Variants in MYB observed in about 807,000 individuals in gnomAD.
The protein encoded by MYB is MYB proto-oncogene, transcription factor, also known as transcriptional activator Myb.
A neutral mutation model predicts 92.9 loss-of-function variants in MYB; 28 were observed. The ratio of observed to expected loss-of-function variants is 0.30; its 90% CI spans 0.22 to 0.41. The LOEUF (loss-of-function observed/expected upper bound fraction) is 0.41, where lower values mean the gene tolerates loss of function less well. Ranked by LOEUF, MYB falls within the 10% of genes least tolerant of loss-of-function variation. The pLI, the probability that MYB is intolerant of heterozygous loss-of-function variation, is 1.00. For synonymous variants in MYB, 295 were observed against 329.1 expected (o/e 0.90, Z 1.12); for missense variants, 679 against 929.3 (o/e 0.73, Z 3.50).
Position 135,192,360 on chromosome 6 carries a change from A to G in MYB, c.564A>G (p.Thr188=), listed in dbSNP as rs779557958. 21 of 1,614,222 alleles carry G rather than the reference A, an allele frequency of 1.3e-5. No individual in the cohort carries two copies. In the South Asian group the frequency reaches 2.1e-4, roughly 16 times the overall value. The change falls in exon 6 of 16, where the codon ACA becomes ACG. Residue 188 remains threonine (T), a synonymous_variant. Transcript: ENST00000341911. ...CTATCAAGAACCACTGGAATTCTAC[A>G]ATGCGTCGGAAGGTCGAACAGGAAG... ...DNAIKNHWNS[T]MRRKVEQEGY... is the part of the protein sequence containing the mutation.
At chr6:135,214,244 C>T (rs894845472) in intron 15 of MYB, among the ~76,000 whole-genome samples, 5 of 152,028 alleles carry the variant, frequency 3.3e-5, no homozygotes, top group African/African-American at 1.2e-4. Context: ...CCCTGCACTC[C>T]AGCCTGGGCA....
At chr6:135,183,152 A>G (rs1022154538) in intron 1 of MYB, among the ~76,000 whole-genome samples, 10 of 151,312 alleles carry the variant, frequency 6.6e-5, no homozygotes, top group Non-Finnish European at 8.8e-5. Flanking sequence ...AGGTTCCCTG[A>G]GGCTCCAGGT....
In MYB at chr6:135,197,110, G is replaced by A. The variant is rs745909590; in HGVS notation, c.1353G>A (p.Val451=). The change falls in exon 10 of 16, where the codon GTG becomes GTA. Residue 451 remains valine (V), a synonymous_variant. Coordinates refer to ENST00000341911, the MANE Select transcript of MYB (RefSeq NM_001130173.2). The part of the protein sequence containing the change: ...TKPAGEPSPR[V]NKRMLSESSL... Reference sequence around the variant, plus strand: ...CTGCAGGAGAACCTAGCCCAAGGGTGAACAAACGTATGTTGAGTGAGAGTT... The same window carrying A: ...CTGCAGGAGAACCTAGCCCAAGGGTAAACAAACGTATGTTGAGTGAGAGTT... 1.9e-5 allele frequency: 31 copies of A among 1,613,902 alleles called. No homozygotes were observed. In the East Asian group the frequency reaches 6.9e-4, roughly 36 times the overall value.
intron 1 of MYB, among the ~76,000 whole-genome samples, chr6:135,185,670 G>A (rs571153883): frequency 6.6e-6 from 1 of 152,328 alleles, no homozygotes; most frequent in African/African-American, 2.4e-5. Context: ...ACATGCAGGG[G>A]AATAGGAAGG....
At position 135,200,306 on chromosome 6, in the gene MYB, A is replaced by T. The variant is rs766283026; in HGVS notation, c.1841A>T (p.His614Leu). Residue 614 changes from histidine (H) to leucine (L), a missense_variant, in exon 13 of 16, where the codon CAT becomes CTT. Coordinates refer to ENST00000341911, the MANE Select transcript of MYB (RefSeq NM_001130173.2). ...PLKMLPQTPS[H>L]LVEDLQDVIK... ...TCCGTTTAGCCTCAGACACCCTCTC[A>T]TCTAGTAGAAGATCTGCAGGATGTG... The T allele has an allele frequency of 6.2e-7, 1 of 1,614,068 alleles. No homozygotes were observed. Among genetic ancestry groups the T allele is most frequent in the Non-Finnish European group, 8.5e-7 (1 of 1,180,006 alleles).
chr6:135,182,789 G>A lies in MYB; in HGVS notation c.23+1253G>A, dbSNP rs956415609. On this transcript the variant is annotated intron_variant, in intron 1 of 15. Coordinates refer to ENST00000341911, the MANE Select transcript of MYB (RefSeq NM_001130173.2). This position sits in a 1 kb window ranked among gnomAD's most constrained non-coding sequence, Gnocchi z 5.6. ...CCGCGCGGCGCTGGGAAGTTGCAAA[G>A]AGCGTGGGTGGAGACCCTGCAGCAG... 1.3e-5 allele frequency among the ~76,000 whole-genome samples: 2 copies of A among 152,124 alleles called. No homozygotes were observed. The highest frequency in any genetic ancestry group is 2.9e-5 in the Non-Finnish European group (2 of 68,010).
At position 135,200,176 on chromosome 6, in the gene MYB, A is replaced by G; in HGVS notation, c.1801A>G (p.Lys601Glu). Residue 601 changes from lysine (K) to glutamate (E), a missense_variant, in exon 12 of 16, where the codon AAA becomes GAA. This residue lies in a region of MYB where 402 missense variants were observed against 434.2 expected (regional missense o/e 0.93). Coordinates refer to ENST00000341911, the MANE Select transcript of MYB (RefSeq NM_001130173.2). ...FKHALAAQEI[K>E]YGPLKMLPQT... is the part of the protein sequence containing the mutation. ...ACATGCACTTGCAGCTCAAGAAATT[A>G]AATACGGTCCCCTGAAGATGCTAGT... is the stretch of plus-strand genomic sequence containing the variant. 6 of 1,614,190 alleles carry G rather than the reference A, an allele frequency of 3.7e-6. No homozygotes were observed. The highest frequency in any genetic ancestry group is 5.1e-6 in the Non-Finnish European group (6 of 1,180,016).
chr6:135,218,254 A>AG lies in MYB; in HGVS notation c.*274_*275insG, dbSNP rs201841211. On this transcript the variant is annotated 3_prime_UTR_variant, in exon 16 of 16. Transcript: ENST00000341911. Reference sequence around the variant, plus strand: ...ATATCTTAATGCAGATTTTTTTAAAAAAAACATAAAATGATTTATCTGTAT... The same window carrying AG: ...ATATCTTAATGCAGATTTTTTTAAAAGAAAACATAAAATGATTTATCTGTAT... 2.8e-6 allele frequency: 1 copy of AG among 351,258 alleles called. No homozygotes were observed. The highest frequency in any genetic ancestry group is 5.2e-6 in the Non-Finnish European group (1 of 191,856). 21.8% of individuals were successfully genotyped at this position (351,258 alleles called of 1,614,324 possible).
chr6:135,182,616 C>T lies in MYB; in HGVS notation c.23+1080C>T, dbSNP rs1324207672. Among the ~76,000 whole-genome samples, 1 of 152,154 alleles carries T rather than the reference C, an allele frequency of 6.6e-6. No homozygotes were observed. The highest frequency in any genetic ancestry group is 1.5e-5 in the Non-Finnish European group (1 of 68,026). Reference sequence around the variant, plus strand: ...GCACCCTCCTTCAGCCGCCTTAGGTCGCCCCGGCCGAGGCGCGGTGACCGG... The same window carrying T: ...GCACCCTCCTTCAGCCGCCTTAGGTTGCCCCGGCCGAGGCGCGGTGACCGG... On this transcript the variant is annotated intron_variant, in intron 1 of 15. Transcript: ENST00000341911. The surrounding 1 kb of genome is among the most constrained non-coding windows in gnomAD (Gnocchi z 5.6).
chr6:135,197,323 G>C lies in MYB; in HGVS notation c.1566G>C (p.Gln522His). 1 of 1,600,146 alleles carries C rather than the reference G, an allele frequency of 6.2e-7. No homozygotes were observed. Among genetic ancestry groups the C allele is most frequent in the Non-Finnish European group, 8.5e-7 (1 of 1,171,912 alleles). The part of the protein sequence containing the change: ...PVKSLPFSPS[Q>H]FLNTSSNHEN... ...AAAGCCTACCCTTCTCTCCCTCGCAGGTAGAACACAATTTCTGCACAGCTG... is the reference window on the plus strand; with the variant it reads ...AAAGCCTACCCTTCTCTCCCTCGCACGTAGAACACAATTTCTGCACAGCTG... The change falls in exon 10 of 16, where the codon CAG (glutamine) becomes CAC (histidine). Residue 522 changes from glutamine to histidine, a missense_variant and splice_region_variant. By Grantham distance (24) the Gln-to-His change is conservative. This residue lies in a region of MYB where 402 missense variants were observed against 434.2 expected (regional missense o/e 0.93). Transcript: ENST00000341911.
chr6:135,200,573 A>G (rs1484946387), intron 13 of MYB, 158 bp downstream of exon 13: 1 of 1,034,420 alleles, frequency 9.7e-7, no homozygotes. Context: ...GCCAGACTGT[A>G]GGCATCATCA....
chr6:135,199,988 T>A (rs1455743572), intron 11 of MYB, 97 bp from the exon 12 acceptor site: 1 of 931,462 alleles, frequency 1.1e-6, no homozygotes, highest in Admixed American at 2.0e-5. Context: ...GAACAGAGTT[T>A]ATTGTATTCA....
At chr6:135,195,437 AATTAT>A (rs1259017865) in intron 8 of MYB, 1 of 335,762 alleles carries the variant, frequency 3.0e-6, no homozygotes, top group East Asian at 5.5e-5. Context: ...ACCTTTGGCA[AATTAT>A]ATTAAAGTGG....
chr6:135,194,665 A>G (rs974664938), intron 8 of MYB: 30 of 573,928 alleles, frequency 5.2e-5, no homozygotes, highest in Non-Finnish European at 8.4e-5. Flanking sequence ...TGTAATTGCA[A>G]TAAAAATGCA....
At chr6:135,200,236 A>G (rs372046303) in intron 12 of MYB, 37 bp downstream of exon 12, 334 of 1,613,906 alleles carry the variant, frequency 2.1e-4, no homozygotes, top group Non-Finnish European at 2.7e-4. Flanking sequence ...TCATTGGTTT[A>G]TTAGTCCCAT....
At chr6:135,184,033 C>T (rs191438109) in intron 1 of MYB, among the ~76,000 whole-genome samples, 139 of 152,264 alleles carry the variant, frequency 9.1e-4, no homozygotes, top group Non-Finnish European at 1.6e-3. Flanking sequence ...ACGTTGGCTG[C>T]CCCCTGCGGG....
At chr6:135,215,366 G>T (rs1270605174) in intron 15 of MYB, among the ~76,000 whole-genome samples, 2 of 152,154 alleles carry the variant, frequency 1.3e-5, no homozygotes, top group African/African-American at 4.8e-5. Context: ...TTTCTGATAA[G>T]AACTCGAATT....
chr6:135,203,704 C>A, intron 15 of MYB: 1 of 1,410,514 alleles, frequency 7.1e-7, no homozygotes, highest in Non-Finnish European at 9.3e-7. Context: ...ATTTTTTATG[C>A]TGTATCCCTA....
At chr6:135,201,004 G>A (rs777534675) in intron 13 of MYB, among the ~76,000 whole-genome samples, 5 of 152,052 alleles carry the variant, frequency 3.3e-5, no homozygotes, top group South Asian at 4.1e-4. Context: ...GTGTGAACCC[G>A]GGAGGCAGAT....
Sources: gnomAD v4.1 joint callset for allele counts (sites outside exome capture counted in the v4.1 genomes callset) on GRCh38, gnomAD v4.1.1 for gene constraint, gnomAD v4.1.1 regional missense constraint, Gnocchi (gnomAD v3.1) non-coding constraint, MANE v1.5 for transcripts, NCBI Gene and HGNC (gene_info 2026-07-23, HGNC 2026-07-21) for gene names.